The following ARHGAP6 variants were observed in gnomAD, a reference collection of about 807,000 sequenced individuals.
ARHGAP6 encodes rho GTPase-activating protein 6.
In ARHGAP6, 16 loss-of-function variants were observed where a neutral mutation model predicts 55.7. That is an observed-to-expected ratio of 0.29 (90% CI 0.19 to 0.44). ARHGAP6 has a LOEUF of 0.44. Among genes scored for constraint, ARHGAP6 ranks in the 20% least tolerant of loss-of-function variants. The pLI, the probability that ARHGAP6 is intolerant of heterozygous loss-of-function variation, is 1.00. For missense variants in ARHGAP6, 698 were observed against 808.9 expected, an observed-to-expected ratio of 0.86 and a Z score of 1.66; for synonymous variants, 382 against 360.9, an observed-to-expected ratio of 1.06 and a Z score of -0.66.
At chrX:11,511,993 A>C in intron 1 of ARHGAP6, among the ~76,000 whole-genome samples, 1 of 110,386 alleles carries the variant, frequency 9.1e-6, no homozygotes, top group Admixed American at 9.7e-5. Flanking sequence ...CACCTGGCTA[A>C]TTTTTTGTAT....
At chrX:11,538,198 CT>C (rs1459824163) in intron 1 of ARHGAP6, among the ~76,000 whole-genome samples, 2 of 111,779 alleles carry the variant, frequency 1.8e-5, no homozygotes, top group African/African-American at 6.5e-5. Context: ...AACTTTTGAT[CT>C]TTTTAAATAT....
intron 1 of ARHGAP6, among the ~76,000 whole-genome samples, chrX:11,413,729 T>C (rs984754492): frequency 2.7e-5 from 3 of 112,399 alleles, no homozygotes; most frequent in Non-Finnish European, 5.6e-5. Context: ...CTGGTAAGAA[T>C]GGCAATGTTT....
At chrX:11,204,179 C>A (rs533812523) in intron 2 of ARHGAP6, among the ~76,000 whole-genome samples, 2 of 112,515 alleles carry the variant, frequency 1.8e-5, no homozygotes, top group Admixed American at 1.9e-4. Flanking sequence ...CTCTTCCTTC[C>A]TTTGGACTTG....
At chrX:11,379,121 C>G (rs963217120) in intron 1 of ARHGAP6, among the ~76,000 whole-genome samples, 5 of 112,202 alleles carry the variant, frequency 4.5e-5, no homozygotes, top group African/African-American at 1.6e-4. Flanking sequence ...CTATGCAGCT[C>G]TACGCCACAT....
At chrX:11,652,051 A>G (rs1229205842) in intron 1 of ARHGAP6, among the ~76,000 whole-genome samples, 1 of 112,279 alleles carries the variant, frequency 8.9e-6, no homozygotes, top group African/African-American at 3.2e-5. Flanking sequence ...TGTCAGATGC[A>G]TATATTGCAA....
At chrX:11,567,566 A>AAATATATATAT (rs1440758737) in intron 1 of ARHGAP6, among the ~76,000 whole-genome samples, 1 of 84,389 alleles carries the variant, frequency 1.2e-5, no homozygotes, top group African/African-American at 4.7e-5. Flanking sequence ...AAAAAAAAAA[A>AAATATATATAT]ATATATATAT....
intron 1 of ARHGAP6, among the ~76,000 whole-genome samples, chrX:11,584,828 A>G (rs1053288054): frequency 1.3e-4 from 13 of 97,698 alleles, no homozygotes; most frequent in Non-Finnish European, 2.5e-4. Context: ...CATGAAACTC[A>G]ACAAATATTT....
At chrX:11,421,300 A>C (rs2049820246) in intron 1 of ARHGAP6, among the ~76,000 whole-genome samples, 1 of 112,591 alleles carries the variant, frequency 8.9e-6, no homozygotes, top group Non-Finnish European at 1.9e-5. Flanking sequence ...TCTCTGTCTC[A>C]GCACTATTGA....
intron 1 of ARHGAP6, among the ~76,000 whole-genome samples, chrX:11,474,268 T>C (rs1477961547): frequency 8.9e-6 from 1 of 112,064 alleles, no homozygotes; most frequent in East Asian, 2.8e-4. Context: ...AACAGTTTCA[T>C]CCCCAAGTCT....
At chrX:11,543,682 G>C (rs1026674413) in intron 1 of ARHGAP6, among the ~76,000 whole-genome samples, 2 of 111,948 alleles carry the variant, frequency 1.8e-5, no homozygotes, top group African/African-American at 6.5e-5. Context: ...ACCTGCCAGT[G>C]GCAACAAGTG....
intron 1 of ARHGAP6, among the ~76,000 whole-genome samples, chrX:11,634,618 T>C (rs1245573110): frequency 8.9e-6 from 1 of 111,816 alleles, no homozygotes; most frequent in Non-Finnish European, 1.9e-5. Context: ...ATTTGGCATA[T>C]CCTTACTATG....
chrX:11,515,421 T>C (rs1404072173), intron 1 of ARHGAP6, among the ~76,000 whole-genome samples: 1 of 111,923 alleles, frequency 8.9e-6, no homozygotes, highest in African/African-American at 3.2e-5. Context: ...GAACATTATT[T>C]TGGTTTCATC....
At chrX:11,538,403 C>T (rs1393704130) in intron 1 of ARHGAP6, among the ~76,000 whole-genome samples, 1 of 111,171 alleles carries the variant, frequency 9.0e-6, no homozygotes, top group African/African-American at 3.3e-5. Context: ...CTTTGATTTT[C>T]CTGGCCCTTT....
intron 1 of ARHGAP6, among the ~76,000 whole-genome samples, chrX:11,418,150 G>A (rs1436796259): frequency 1.8e-5 from 2 of 111,717 alleles, no homozygotes; most frequent in African/African-American, 3.3e-5. Flanking sequence ...TGGATTTTCT[G>A]GTTCTGTTGT....
rs368106535 is a variant in ARHGAP6, at chrX:11,362,241, T to A, written c.589-107534A>T. 7.2e-5 allele frequency among the ~76,000 whole-genome samples: 8 copies of A among 111,442 alleles called. No homozygotes were observed. The East Asian group carries it at 2.0e-3, about 27-fold the overall frequency. On this transcript the variant is annotated intron_variant, in intron 1 of 12. Transcript: ENST00000337414. ...TGCAGCACTATTCACAATAGCAAAGTCTTGGAACCAACCCAAATGTCCAAC... is the reference window on the plus strand; with the variant it reads ...TGCAGCACTATTCACAATAGCAAAGACTTGGAACCAACCCAAATGTCCAAC...
At position 11,521,783 on chromosome X, in the gene ARHGAP6, C is replaced by T. The variant is rs776407835; in HGVS notation, c.588+142458G>A. The stretch of plus-strand genomic sequence containing the variant: ...ATTTTCATGATATTGATTCTTCCTA[C>T]CCATGAGCATGGAATGTTCTTCCAT... On this transcript the variant is annotated intron_variant, in intron 1 of 12. Transcript: ENST00000337414. 4.5e-5 allele frequency among the ~76,000 whole-genome samples: 5 copies of T among 111,034 alleles called. No homozygotes were observed. In the South Asian group the frequency reaches 1.1e-3, roughly 26 times the overall value.
chrX:11,373,315 CT>C (rs1388795311), intron 1 of ARHGAP6, among the ~76,000 whole-genome samples: 1 of 109,074 alleles, frequency 9.2e-6, no homozygotes, highest in Non-Finnish European at 1.9e-5. Context: ...GTTTTCTCTA[CT>C]TTGGGGAAAA....
intron 1 of ARHGAP6, among the ~76,000 whole-genome samples, chrX:11,601,256 G>A (rs1243924079): frequency 3.6e-5 from 4 of 111,373 alleles, no homozygotes; most frequent in African/African-American, 1.3e-4. Flanking sequence ...TATGGGAAGG[G>A]AGCCATTATG....
At position 11,594,113 on chromosome X, in the gene ARHGAP6, C is replaced by T. The variant is rs150029981; in HGVS notation, c.588+70128G>A. Among the ~76,000 whole-genome samples, 264 of 111,390 alleles carry T rather than the reference C, an allele frequency of 2.4e-3. 1 individual carries two copies. The highest frequency in any genetic ancestry group is 8.2e-3 in the African/African-American group (252 of 30,645). Reference sequence around the variant, plus strand: ...AATTTGACATGCCCTTCATGATATCCCAGGCCCATTCCCCCTTCAGCTTTA... The same window carrying T: ...AATTTGACATGCCCTTCATGATATCTCAGGCCCATTCCCCCTTCAGCTTTA... On this transcript the variant is annotated intron_variant, in intron 1 of 12. Coordinates refer to ENST00000337414, the MANE Select transcript of ARHGAP6 (RefSeq NM_013427.3).
Sources: gnomAD v4.1 joint callset for allele counts (sites outside exome capture counted in the v4.1 genomes callset) on GRCh38, gnomAD v4.1.1 for gene constraint, MANE v1.5 for transcripts, NCBI Gene and HGNC (gene_info 2026-07-23, HGNC 2026-07-21) for gene names.